Variants in ANKRD18A observed in about 807,000 individuals in gnomAD.
ANKRD18A encodes ankyrin repeat domain-containing protein 18A.
A neutral mutation model predicts 110.6 loss-of-function variants in ANKRD18A; 72 were observed. The ratio of observed to expected loss-of-function variants is 0.65; its 90% CI spans 0.54 to 0.79. The LOEUF (loss-of-function observed/expected upper bound fraction) is 0.79. Ranked by LOEUF, ANKRD18A falls within the 30% of genes least tolerant of loss-of-function variation. The probability of loss-of-function intolerance (pLI) is 0.00; values close to 1 mark genes in which losing one functional copy is unlikely to be tolerated. For synonymous variants in ANKRD18A, 305 were observed against 410.3 expected, an observed-to-expected ratio of 0.74 and a Z score of 3.10; for missense variants, 934 against 1,163.3, an observed-to-expected ratio of 0.80 and a Z score of 2.87.
At chr9:38,608,771 AAG>A (rs1825472824) in intron 5 of ANKRD18A, among the ~76,000 whole-genome samples, 1 of 149,722 alleles carries the variant, frequency 6.7e-6, no homozygotes, top group Non-Finnish European at 1.5e-5. Flanking sequence ...ACATAAATAT[AAG>A]AGATTTTCAT....
chr9:38,620,502 G>T lies in ANKRD18A; in HGVS notation c.-217C>A, dbSNP rs7038461. On this transcript the variant is annotated 5_prime_UTR_variant, in exon 1 of 16. Transcript: ENST00000399703. ...CCGGTCCACCACAGCCTTCAGCAGCGACACTCGCAGACTCCGACCTCTCAG... is the reference window on the plus strand; with the variant it reads ...CCGGTCCACCACAGCCTTCAGCAGCTACACTCGCAGACTCCGACCTCTCAG... 2.9e-3 allele frequency: 4,041 copies of T among 1,413,008 alleles called. 109 individuals are homozygous for T. In the African/African-American group the frequency reaches 0.052, roughly 18 times the overall value. 87.5% of individuals were successfully genotyped at this position (1,413,008 alleles called of 1,614,324 possible). A position where few individuals can be genotyped will look rare whatever the true frequency, so the allele number is the denominator to read the frequency against.
At chr9:38,581,303 G>A (rs1173298607) in intron 12 of ANKRD18A, among the ~76,000 whole-genome samples, 4 of 152,192 alleles carry the variant, frequency 2.6e-5, no homozygotes, top group African/African-American at 9.6e-5. Flanking sequence ...GATGTAAGCT[G>A]CTGAGGAGGA....
chr9:38,619,040 G>A (rs1451781277), intron 1 of ANKRD18A, among the ~76,000 whole-genome samples: 3 of 150,822 alleles, frequency 2.0e-5, no homozygotes, highest in Non-Finnish European at 4.4e-5. Context: ...AATATTTTTC[G>A]AGTGTGTTAT....
In ANKRD18A at chr9:38,595,859, CTT is replaced by C. The variant is rs1824856028; in HGVS notation, c.1479_1480del (p.Asp495CysfsTer36). The C allele has an allele frequency of 6.4e-7, 1 of 1,551,198 alleles. No individual in the cohort carries two copies. The highest frequency in any genetic ancestry group is 2.0e-5 in the Admixed American group (1 of 50,928). Reference sequence around the variant, plus strand: ...CAATGTCTTTTCCCTGAGAGCATCTCTTGTCTCACGGAGCTTACCTTTTAAGG... The same window carrying C: ...CAATGTCTTTTCCCTGAGAGCATCTCGTCTCACGGAGCTTACCTTTTAAGG... On this transcript the variant is annotated frameshift_variant, in exon 9 of 16. Coordinates refer to ENST00000399703, the MANE Select transcript of ANKRD18A (RefSeq NM_147195.4). LOFTEE classifies it high-confidence loss of function.
chr9:38,574,932 A>G (rs1227998585), intron 15 of ANKRD18A, among the ~76,000 whole-genome samples: 2 of 151,916 alleles, frequency 1.3e-5, no homozygotes, highest in African/African-American at 4.8e-5. Flanking sequence ...CATCTCTACT[A>G]AAAATACAAA....
At chr9:38,612,217 T>A (rs1363113299) in intron 3 of ANKRD18A, among the ~76,000 whole-genome samples, 1 of 152,248 alleles carries the variant, frequency 6.6e-6, no homozygotes, top group African/African-American at 2.4e-5. Context: ...AAGCTCAGTA[T>A]GTTCTGTGTA....
At chr9:38,587,240 T>C (rs1824426035) in intron 11 of ANKRD18A, among the ~76,000 whole-genome samples, 2 of 152,152 alleles carry the variant, frequency 1.3e-5, no homozygotes, top group South Asian at 4.1e-4. Context: ...ACTGACATAA[T>C]GTCAACAAAA....
downstream of ANKRD18A, among the ~76,000 whole-genome samples, chr9:38,570,178 C>A (rs1363198651): frequency 6.6e-6 from 1 of 152,036 alleles, no homozygotes; most frequent in Non-Finnish European, 1.5e-5. Context: ...TAACCAGGCC[C>A]CCATTAGTAG....
intron 13 of ANKRD18A, among the ~76,000 whole-genome samples, chr9:38,577,653 G>A (rs527898609): frequency 4.6e-5 from 7 of 152,154 alleles, no homozygotes; most frequent in African/African-American, 1.2e-4. Context: ...ACTCTATAGT[G>A]AGAATCATTA....
chr9:38,583,483 G>A (rs1469039038), intron 12 of ANKRD18A, among the ~76,000 whole-genome samples: 14 of 152,182 alleles, frequency 9.2e-5, no homozygotes, highest in East Asian at 1.9e-4. Context: ...TCCTGGGTCC[G>A]GGTTCAAGCA....
Position 38,572,034 on chromosome 9 carries a change from G to A in ANKRD18A, c.*11C>T. On this transcript the variant is annotated 3_prime_UTR_variant, in exon 16 of 16. Transcript: ENST00000399703. ...TGGATTCTACAAAAGAAAGTAGACG[G>A]GAGCAAGTGCTCAACATAGCAAAAC... is the stretch of plus-strand genomic sequence containing the variant. 1 of 1,590,056 alleles carries A rather than the reference G, an allele frequency of 6.3e-7. No individual in the cohort carries two copies. Among genetic ancestry groups the A allele is most frequent in the Admixed American group, 1.9e-5 (1 of 53,722 alleles).
intron 10 of ANKRD18A, among the ~76,000 whole-genome samples, chr9:38,593,363 T>C (rs910230718): frequency 1.3e-5 from 2 of 152,316 alleles, no homozygotes; most frequent in Non-Finnish European, 2.9e-5. Context: ...ACAGCTGCTG[T>C]GTCCATTCAC....
intron 8 of ANKRD18A, among the ~76,000 whole-genome samples, chr9:38,599,935 A>C (rs1344008942): frequency 2.0e-5 from 3 of 152,186 alleles, no homozygotes; most frequent in African/African-American, 7.2e-5. Flanking sequence ...TTTAAAATTA[A>C]CTTTATTCTA....
intron 6 of ANKRD18A, 120 bp downstream of exon 6, chr9:38,607,306 C>T (rs1394733788): frequency 1.4e-6 from 1 of 714,252 alleles, no homozygotes; most frequent in Non-Finnish European, 2.0e-6. Flanking sequence ...ATCCACCCGC[C>T]TCGGCCTCCC....
chr9:38,586,085 G>A (rs1824368287), intron 12 of ANKRD18A, 98 bp downstream of exon 12: 4 of 1,264,780 alleles, frequency 3.2e-6, no homozygotes, highest in Non-Finnish European at 4.3e-6. Flanking sequence ...GATACGTGCA[G>A]CAAACCATCA....
intron 8 of ANKRD18A, 145 bp downstream of exon 8, chr9:38,600,984 AAT>A: frequency 1.3e-6 from 1 of 742,032 alleles, no homozygotes; most frequent in Non-Finnish European, 2.1e-6. Context: ...AACAGGCTAA[AAT>A]ATTTTAAAAT....
intron 5 of ANKRD18A, among the ~76,000 whole-genome samples, chr9:38,608,709 T>C (rs1340346247): frequency 3.4e-5 from 5 of 146,988 alleles, no homozygotes; most frequent in African/African-American, 1.2e-4. Context: ...ATATACATTA[T>C]ATAATAATTA....
At chr9:38,593,175 T>A in intron 10 of ANKRD18A, among the ~76,000 whole-genome samples, 1 of 152,250 alleles carries the variant, frequency 6.6e-6, no homozygotes, top group Admixed American at 6.5e-5. Flanking sequence ...TGGATGTACA[T>A]ACTCTATTAG....
rs557693102 is a variant in ANKRD18A, at chr9:38,572,059, C to A, written c.2965G>T (p.Val989Phe). Residue 989 changes from valine (V) to phenylalanine (F), a missense_variant and splice_region_variant, in exon 16 of 16, where the codon GTT becomes TTT. Physicochemically the swap from Val to Phe is conservative, Grantham distance 50. Transcript: ENST00000399703. ...SNNCKNFLTE[V>F]LLC is the part of the protein sequence containing the mutation. Reference sequence around the variant, plus strand: ...GGAGCAAGTGCTCAACATAGCAAAACCTGGAAAGAAAAAGAAAGGATTATG... The same window carrying A: ...GGAGCAAGTGCTCAACATAGCAAAAACTGGAAAGAAAAAGAAAGGATTATG... 1.3e-6 allele frequency: 2 copies of A among 1,581,294 alleles called. No homozygotes were observed. The highest frequency in any genetic ancestry group is 2.3e-5 in the East Asian group (1 of 43,326).
Sources: allele counts gnomAD v4.1 joint callset (sites outside exome capture counted in the v4.1 genomes callset), GRCh38; gene constraint gnomAD v4.1.1; transcripts MANE v1.5; gene names NCBI Gene and HGNC (gene_info 2026-07-23, HGNC 2026-07-21).